RASGRF1: variants seen among roughly 807,000 people sequenced by gnomAD.
The protein encoded by RASGRF1 is Ras protein specific guanine nucleotide releasing factor 1, also known as ras-specific guanine nucleotide-releasing factor 1.
RASGRF1 carries 40 observed loss-of-function variants against 138.7 expected under a neutral mutation model. The ratio of observed to expected loss-of-function variants is 0.29; its 90% CI spans 0.22 to 0.38. The LOEUF (loss-of-function observed/expected upper bound fraction) is 0.38, where lower values mean the gene tolerates loss of function less well. RASGRF1 is among the 10% of genes least tolerant of loss of function. RASGRF1 has a pLI of 1.00. For missense variants in RASGRF1, 1,108 were observed against 1,650.4 expected (o/e 0.67, Z 5.69); for synonymous variants, 614 against 663.2 (o/e 0.93, Z 1.14).
chr15:79,061,431 T>TATATATATATATATATATATATATATATA (rs1555461889), intron 2 of RASGRF1, among the ~76,000 whole-genome samples: 9 of 144,580 alleles, frequency 6.2e-5, no homozygotes, highest in East Asian at 4.0e-4. Context: ...TATATATATA[T>TATATATATATATATATATATATATATATA]CATTCATTTT....
chr15:79,018,025 G>T, intron 11 of RASGRF1, 119 bp from the exon 12 acceptor site: 1 of 1,185,854 alleles, frequency 8.4e-7, no homozygotes, highest in Non-Finnish European at 1.2e-6. Context: ...AAGGCACCAG[G>T]CCAATTGCTG....
chr15:79,058,927 T>C (rs551353596), intron 2 of RASGRF1, among the ~76,000 whole-genome samples: 7 of 152,122 alleles, frequency 4.6e-5, no homozygotes, highest in Non-Finnish European at 8.8e-5. Context: ...CATGAAGGAG[T>C]CTGTTTTTGT....
chr15:79,016,641 C>T lies in RASGRF1; in HGVS notation c.1743+1129G>A, dbSNP rs75569984. ...GGCAAAGCTCAGGGTCTGCAGTTTT[C>T]TCTAGGGCTTTCTGGGTGTTTTGAA... is the stretch of plus-strand genomic sequence containing the variant. On this transcript the variant is annotated intron_variant, in intron 12 of 26. Coordinates refer to ENST00000558480, the MANE Select transcript of RASGRF1 (RefSeq NM_001145648.3). Among the ~76,000 whole-genome samples, 861 of 152,322 alleles carry T rather than the reference C, an allele frequency of 5.7e-3. 7 individuals are homozygous for T. Among genetic ancestry groups the T allele is most frequent in the African/African-American group, 0.02 (836 of 41,564 alleles).
intron 17 of RASGRF1, among the ~76,000 whole-genome samples, chr15:78,999,104 G>A (rs1200793031): frequency 1.3e-5 from 2 of 151,560 alleles, no homozygotes; most frequent in Non-Finnish European, 2.9e-5. Flanking sequence ...ACAGAGCCAC[G>A]CAGGGCCTCC....
chr15:78,993,048 T>C (rs2056303303), intron 20 of RASGRF1, among the ~76,000 whole-genome samples: 1 of 147,368 alleles, frequency 6.8e-6, no homozygotes, highest in African/African-American at 2.5e-5. Flanking sequence ...GTGTGTGCCA[T>C]GTGGGTGGTG....
chr15:79,008,031 T>C (rs894622190), intron 13 of RASGRF1, among the ~76,000 whole-genome samples: 2 of 151,306 alleles, frequency 1.3e-5, no homozygotes, highest in Non-Finnish European at 2.9e-5. Flanking sequence ...TTAGTAGAGA[T>C]GGGGTTTCAC....
rs779854133 is a variant in RASGRF1, at chr15:79,035,223, G to A, written c.879-13C>T. 27 of 1,607,294 alleles carry A rather than the reference G, an allele frequency of 1.7e-5. No individual in the cohort carries two copies. The South Asian group carries it at 3.0e-4, about 18-fold the overall frequency. ...CATGATGGTTTCGCTGAAAGAGAAA[G>A]CACAGGGTCAGCTCTGCCCCAGGGA... On this transcript the variant is annotated splice_polypyrimidine_tract_variant and intron_variant, in intron 5 of 26. Transcript: ENST00000558480.
At position 78,971,976 on chromosome 15, in the gene RASGRF1, C is replaced by T. The variant is rs761279642; in HGVS notation, c.3613-42G>A. ...GTGTTTCAGAATGCAGTTTGCTCTCCTAGTTCCACCCCCAACTTTGCAGAG... is the reference window on the plus strand; with the variant it reads ...GTGTTTCAGAATGCAGTTTGCTCTCTTAGTTCCACCCCCAACTTTGCAGAG... On this transcript the variant is annotated intron_variant, in intron 25 of 26. Coordinates refer to ENST00000558480, the MANE Select transcript of RASGRF1 (RefSeq NM_001145648.3). 3 of 1,502,754 alleles carry T rather than the reference C, an allele frequency of 2.0e-6. No homozygotes were observed. The Admixed American group carries it at 5.0e-5, about 25-fold the overall frequency. The allele number at this position is 1,502,754 out of a possible 1,614,324, so 93.1% of individuals were successfully genotyped here.
At chr15:79,013,798 AC>A (rs1266163381) in intron 13 of RASGRF1, among the ~76,000 whole-genome samples, 17 of 152,172 alleles carry the variant, frequency 1.1e-4, no homozygotes, top group Admixed American at 5.9e-4. Flanking sequence ...AGGCTGTATT[AC>A]CCAGGGCTTG....
intron 15 of RASGRF1, among the ~76,000 whole-genome samples, chr15:79,003,204 G>A (rs2056579392): frequency 6.6e-6 from 1 of 152,214 alleles, no homozygotes; most frequent in South Asian, 2.1e-4. Context: ...TGTTCCCATG[G>A]TCTAGAATGT....
At chr15:79,084,068 T>C (rs1277101881) in intron 1 of RASGRF1, among the ~76,000 whole-genome samples, 1 of 152,198 alleles carries the variant, frequency 6.6e-6, no homozygotes, top group Non-Finnish European at 1.5e-5. Flanking sequence ...AGATAAAATC[T>C]CATGTGGAAA....
chr15:79,050,987 C>G lies in RASGRF1; in HGVS notation c.532-1399G>C, dbSNP rs1476884732. Among the ~76,000 whole-genome samples the G allele has an allele frequency of 6.6e-6, 1 of 152,212 alleles. No homozygotes were observed. Among genetic ancestry groups the G allele is most frequent in the East Asian group, 1.9e-4 (1 of 5,200 alleles). On this transcript the variant is annotated intron_variant, in intron 3 of 26. Coordinates refer to ENST00000558480, the MANE Select transcript of RASGRF1 (RefSeq NM_001145648.3). The surrounding 1 kb of genome is among the most constrained non-coding windows in gnomAD (Gnocchi z 4.1). ...CGCAAGGTTGGGCACTCAACACATT[C>G]TTGTTGTCTACACAAATAAGTGAAT...
chr15:79,026,542 C>G lies in RASGRF1; in HGVS notation c.1382-1068G>C, dbSNP rs192168862. Among the ~76,000 whole-genome samples the G allele has an allele frequency of 9.2e-5, 14 of 152,262 alleles. No homozygotes were observed. The South Asian group carries it at 1.2e-3, about 14-fold the overall frequency. On this transcript the variant is annotated intron_variant, in intron 9 of 26. Coordinates refer to ENST00000558480, the MANE Select transcript of RASGRF1 (RefSeq NM_001145648.3). Reference sequence around the variant, plus strand: ...CTGTTCTCTGAGTGTCCCCAGAACCCCCTGTACGTCTGGCATGAGCAGGGC... The same window carrying G: ...CTGTTCTCTGAGTGTCCCCAGAACCGCCTGTACGTCTGGCATGAGCAGGGC...
At position 79,024,901 on chromosome 15, in the gene RASGRF1, TACAC is replaced by T. The variant is rs113543109; in HGVS notation, c.1542+409_1542+412del. On this transcript the variant is annotated intron_variant, in intron 10 of 26. Transcript: ENST00000558480. ...CATATATATACACACCACGCACACA[TACAC>T]ACACACGCATATACACATACACACA... 1.8e-3 allele frequency among the ~76,000 whole-genome samples: 274 copies of T among 149,530 alleles called. 2 individuals are homozygous for T. Among genetic ancestry groups the T allele is most frequent in the African/African-American group, 5.5e-3 (218 of 39,864 alleles).
intron 23 of RASGRF1, among the ~76,000 whole-genome samples, chr15:78,982,836 A>G (rs1450677920): frequency 6.6e-6 from 1 of 151,978 alleles, no homozygotes; most frequent in African/African-American, 2.4e-5. Flanking sequence ...AATCCACGTT[A>G]GTCATTGTAC....
chr15:79,025,423 C>T lies in RASGRF1; in HGVS notation c.1433G>A (p.Arg478His), dbSNP rs2057032921. The T allele has an allele frequency of 1.2e-6, 2 of 1,614,010 alleles. No homozygotes were observed. The highest frequency in any genetic ancestry group is 1.7e-6 in the Non-Finnish European group (2 of 1,179,916). ...MSEKGKITRGRLGSLSLKKEG... is the reference protein window; with the variant it reads ...MSEKGKITRGHLGSLSLKKEG... ...TTTCTTTAGGGAGAGAGACCCCAGG[C>T]GCCCCCTGGTGATCTTGCCCTTTTC... is the stretch of plus-strand genomic sequence containing the variant. The change falls in exon 10 of 27, where the codon CGC (arginine) becomes CAC (histidine). Residue 478 changes from arginine to histidine, a missense_variant. Physicochemically the swap from Arg to His is conservative, Grantham distance 29 (BLOSUM62 0). Transcript: ENST00000558480.
rs1024557147 is a variant in RASGRF1 at position 78,960,358 on chromosome 15, T to A, written c.*1786A>T. The A allele has an allele frequency of 1.3e-5, 2 of 152,568 alleles. No individual in the cohort carries two copies. The highest frequency in any genetic ancestry group is 6.5e-5 in the Admixed American group (1 of 15,274). 9.5% of individuals were successfully genotyped at this position (152,568 alleles called of 1,614,324 possible). A position where few individuals can be genotyped will look rare whatever the true frequency, so the allele number is the denominator to read the frequency against. On this transcript the variant is annotated 3_prime_UTR_variant, in exon 27 of 27. Transcript: ENST00000558480. Reference sequence around the variant, plus strand: ...CTTCCTGGGTGACAGTGAGGACACATCTGGGCAGGATGGCATCTGGGCAGC... The same window carrying A: ...CTTCCTGGGTGACAGTGAGGACACAACTGGGCAGGATGGCATCTGGGCAGC...
At chr15:78,976,033 G>A (rs1462513689) in intron 24 of RASGRF1, among the ~76,000 whole-genome samples, 2 of 152,148 alleles carry the variant, frequency 1.3e-5, no homozygotes, top group African/African-American at 4.8e-5. Flanking sequence ...AAGGGAGAAC[G>A]GGAGGCCTGG....
intron 1 of RASGRF1, among the ~76,000 whole-genome samples, chr15:79,074,651 G>A (rs2057808515): frequency 6.6e-6 from 1 of 152,144 alleles, no homozygotes; most frequent in African/African-American, 2.4e-5. Context: ...ATGCATCCAG[G>A]GATTCACAGA....
Sources: gnomAD v4.1 joint callset for allele counts (sites outside exome capture counted in the v4.1 genomes callset) on GRCh38, gnomAD v4.1.1 for gene constraint, Gnocchi (gnomAD v3.1) non-coding constraint, MANE v1.5 for transcripts, NCBI Gene and HGNC (gene_info 2026-07-23, HGNC 2026-07-21) for gene names.